KIAA1549L: variants seen among roughly 807,000 people sequenced by gnomAD.
KIAA1549L encodes the protein UPF0606 protein KIAA1549L.
A neutral mutation model predicts 160.7 loss-of-function variants in KIAA1549L; 88 were observed. That is an observed-to-expected ratio of 0.55 (90% CI 0.46 to 0.65). KIAA1549L has a LOEUF of 0.65. Among genes scored for constraint, KIAA1549L ranks in the 30% least tolerant of loss-of-function variants. KIAA1549L has a pLI of 0.00. For synonymous variants in KIAA1549L, 950 were observed against 976.7 expected (o/e 0.97, Z 0.51); for missense variants, 2,258 against 2,437.5 (o/e 0.93, Z 1.55).
intron 16 of KIAA1549L, among the ~76,000 whole-genome samples, chr11:33,620,022 T>G (rs1353901898): frequency 6.7e-6 from 1 of 150,026 alleles, no homozygotes; most frequent in African/African-American, 2.5e-5. Flanking sequence ...AGATTGGCAT[T>G]AATAGGGTTT....
chr11:33,484,241 G>A (rs1002432604), intron 1 of KIAA1549L, among the ~76,000 whole-genome samples: 2 of 152,164 alleles, frequency 1.3e-5, no homozygotes, highest in African/African-American at 4.8e-5. Flanking sequence ...GCCTGACTCT[G>A]TAACCATTTG....
At chr11:33,430,342 T>TA (rs1243728318) in intron 1 of KIAA1549L, among the ~76,000 whole-genome samples, 2 of 150,814 alleles carry the variant, frequency 1.3e-5, no homozygotes, top group Admixed American at 6.6e-5. Context: ...TTTTCTGTAA[T>TA]AAGTCATATT....
chr11:33,435,540 G>C (rs1303964206), intron 1 of KIAA1549L, among the ~76,000 whole-genome samples: 3 of 151,314 alleles, frequency 2.0e-5, no homozygotes. Flanking sequence ...TTACAATTCT[G>C]TTGCTTTTAA....
At chr11:33,390,088 C>T (rs1260836091) in intron 1 of KIAA1549L, among the ~76,000 whole-genome samples, 2 of 152,152 alleles carry the variant, frequency 1.3e-5, no homozygotes, top group African/African-American at 2.4e-5. Flanking sequence ...ATTCTCATAC[C>T]AACCCTATGA....
At chr11:33,426,660 T>C (rs1297899673) in intron 1 of KIAA1549L, among the ~76,000 whole-genome samples, 1 of 152,208 alleles carries the variant, frequency 6.6e-6, no homozygotes, top group African/African-American at 2.4e-5. Context: ...CTTGTCACCA[T>C]TAATCTTAAT....
intron 1 of KIAA1549L, among the ~76,000 whole-genome samples, chr11:33,454,383 A>G (rs1010635738): frequency 6.6e-6 from 1 of 152,234 alleles, no homozygotes; most frequent in Admixed American, 6.5e-5. Context: ...GTAAGTAAAT[A>G]TAGGCAGACA....
chr11:33,420,231 TTTTG>T lies in KIAA1549L; in HGVS notation c.238+43346_238+43349del, dbSNP rs1216037981. 1.9e-4 allele frequency among the ~76,000 whole-genome samples: 14 copies of T among 75,058 alleles called. 1 individual carries two copies. The highest frequency in any genetic ancestry group is 4.1e-4 in the African/African-American group (8 of 19,582). 49.2% of individuals were successfully genotyped at this position (75,058 alleles called of 152,430 possible). A position where few individuals can be genotyped will look rare whatever the true frequency, so the allele number is the denominator to read the frequency against. On this transcript the variant is annotated intron_variant, in intron 1 of 20. Coordinates refer to ENST00000658780, the MANE Select transcript of KIAA1549L (RefSeq NM_012194.3). Reference sequence around the variant, plus strand: ...CTTGGTTTGTATCTCAAAGTTTTTTTTTTGTTTTTTTTTTTTTTTTGAGACAGGA... The same window carrying T: ...CTTGGTTTGTATCTCAAAGTTTTTTTTTTTTTTTTTTTTTTTGAGACAGGA...
At chr11:33,445,237 G>A (rs942979552) in intron 1 of KIAA1549L, among the ~76,000 whole-genome samples, 1 of 152,176 alleles carries the variant, frequency 6.6e-6, no homozygotes, top group Admixed American at 6.5e-5. Flanking sequence ...CTCTGTTGTG[G>A]GGGTGGCTGC....
intron 1 of KIAA1549L, among the ~76,000 whole-genome samples, chr11:33,419,893 CATACATACATACATATAT>C (rs766760956): frequency 1.7e-3 from 188 of 110,636 alleles, no homozygotes; most frequent in East Asian, 0.016. Flanking sequence ...TACATACATA[CATACATACATACATATAT>C]ATATATGAAT....
intron 1 of KIAA1549L, among the ~76,000 whole-genome samples, chr11:33,464,474 A>ATGTGTGTGTG (rs3038997): frequency 0.011 from 1,486 of 140,170 alleles, 22 homozygotes; most frequent in East Asian, 0.014. Context: ...CTGTGTGTGC[A>ATGTGTGTGTG]TGTGTGTGTG....
At chr11:33,425,188 G>T (rs1851091732) in intron 1 of KIAA1549L, among the ~76,000 whole-genome samples, 1 of 152,190 alleles carries the variant, frequency 6.6e-6, no homozygotes, top group South Asian at 2.1e-4. Flanking sequence ...TAATTGATTT[G>T]AAGATTTGTA....
intron 1 of KIAA1549L, among the ~76,000 whole-genome samples, chr11:33,518,004 G>A (rs1043865684): frequency 6.6e-6 from 1 of 151,834 alleles, no homozygotes; most frequent in Non-Finnish European, 1.5e-5. Flanking sequence ...GCCAGGTGTG[G>A]TGGTGGGCAC....
chr11:33,442,912 T>C (rs1443099509), intron 1 of KIAA1549L, among the ~76,000 whole-genome samples: 2 of 152,208 alleles, frequency 1.3e-5, no homozygotes, highest in African/African-American at 4.8e-5. Context: ...GTCCATCTTA[T>C]GGTCCATAAA....
chr11:33,538,662 G>A (rs1327348190), intron 1 of KIAA1549L, among the ~76,000 whole-genome samples: 1 of 152,166 alleles, frequency 6.6e-6, no homozygotes, highest in African/African-American at 2.4e-5. Flanking sequence ...ACCAGGGACA[G>A]GGCTCTAAAA....
intron 1 of KIAA1549L, among the ~76,000 whole-genome samples, chr11:33,477,507 G>T (rs868712451): frequency 7.6e-6 from 1 of 131,740 alleles, no homozygotes; most frequent in Non-Finnish European, 1.5e-5. Context: ...GCAGGTGCAC[G>T]CACACACACA....
intron 20 of KIAA1549L, among the ~76,000 whole-genome samples, chr11:33,662,647 T>C (rs1165701181): frequency 6.6e-6 from 1 of 152,212 alleles, no homozygotes. Flanking sequence ...TAGGCAGTAA[T>C]TCCCTTACGC....
chr11:33,567,758 C>T (rs903078932), intron 8 of KIAA1549L, among the ~76,000 whole-genome samples: 7 of 152,320 alleles, frequency 4.6e-5, no homozygotes, highest in African/African-American at 7.2e-5. Context: ...CGGCAGCATT[C>T]GCAGTGTCAC....
At chr11:33,473,491 T>G (rs941211414) in intron 1 of KIAA1549L, among the ~76,000 whole-genome samples, 3 of 152,214 alleles carry the variant, frequency 2.0e-5, no homozygotes, top group Admixed American at 2.0e-4. Context: ...GAAGGCTCAT[T>G]GGTGAGAGGA....
At chr11:33,628,964 C>A (rs1235827731) in intron 16 of KIAA1549L, among the ~76,000 whole-genome samples, 1 of 151,314 alleles carries the variant, frequency 6.6e-6, no homozygotes, top group East Asian at 1.9e-4. Flanking sequence ...TTCAGGAGCT[C>A]TTTTAGGGCA....
Sources: gnomAD v4.1 joint callset for allele counts (sites outside exome capture counted in the v4.1 genomes callset) on GRCh38, gnomAD v4.1.1 for gene constraint, MANE v1.5 for transcripts, NCBI Gene and HGNC (gene_info 2026-07-23, HGNC 2026-07-21) for gene names.